Variants in DLG1 observed in about 807,000 individuals in gnomAD.
The protein encoded by DLG1 is discs large MAGUK scaffold protein 1.
DLG1 carries 42 observed loss-of-function variants against 123.4 expected under a neutral mutation model. The ratio of observed to expected loss-of-function variants is 0.34; its 90% CI spans 0.27 to 0.44. The LOEUF is 0.44. Ranked by LOEUF, DLG1 falls within the 20% of genes least tolerant of loss-of-function variation. DLG1 has a pLI of 1.00. For missense variants in DLG1, 942 were observed against 1,082.6 expected (o/e 0.87, Z 1.82); for synonymous variants, 317 against 356.2 (o/e 0.89, Z 1.24).
In DLG1 at chr3:197,109,302, G is replaced by A. The variant is rs535805137; in HGVS notation, c.1444-4297C>T. On this transcript the variant is annotated intron_variant, in intron 13 of 24. Transcript: ENST00000667157. ...CGAGGATTGCCTGAGTAAGTTTGAG[G>A]CTGCAGTGAGCTATGACTGTGCTAC... 2.6e-5 allele frequency among the ~76,000 whole-genome samples: 4 copies of A among 152,370 alleles called. No individual in the cohort carries two copies. The South Asian group carries it at 6.2e-4, about 24-fold the overall frequency.
chr3:197,112,971 A>G (rs1770953368), intron 13 of DLG1, among the ~76,000 whole-genome samples: 3 of 152,086 alleles, frequency 2.0e-5, no homozygotes, highest in Admixed American at 2.0e-4. Context: ...TACCTACTCT[A>G]GGCCTGTGAA....
chr3:197,164,269 T>C (rs981414543), intron 5 of DLG1, among the ~76,000 whole-genome samples: 3 of 150,784 alleles, frequency 2.0e-5, no homozygotes, highest in Non-Finnish European at 4.4e-5. Flanking sequence ...TGGTGGCCCA[T>C]GCGTGTAATC....
intron 24 of DLG1, 27 bp from the exon 25 acceptor site, chr3:197,044,756 A>C (rs1431773321): frequency 7.3e-7 from 1 of 1,370,694 alleles, no homozygotes; most frequent in African/African-American, 1.5e-5. Flanking sequence ...AAAATCAGAA[A>C]TCTCCATTAA....
At position 197,158,634 on chromosome 3, in the gene DLG1, C is replaced by CAAAAAAAAAA. The variant is rs71623339; in HGVS notation, c.484-8848_484-8839dup. ...GGGTAACAAGAGCAAAACTCCATTT[C>CAAAAAAAAAA]AAAAAAAAAAAAAAAAAAAAAAAGC... On this transcript the variant is annotated intron_variant, in intron 5 of 24. Coordinates refer to ENST00000667157, the MANE Select transcript of DLG1 (RefSeq NM_001366207.1). Among the ~76,000 whole-genome samples, 117 of 67,478 alleles carry CAAAAAAAAAA rather than the reference C, an allele frequency of 1.7e-3. 7 individuals carry two copies. The highest frequency in any genetic ancestry group is 2.6e-3 in the Non-Finnish European group (95 of 36,044). The allele number at this position is 67,478 out of a possible 152,430, so 44.3% of individuals were successfully genotyped here.
intron 19 of DLG1, 24 bp from the exon 20 acceptor site, chr3:197,066,778 T>C (rs1739890584): frequency 2.0e-6 from 3 of 1,498,992 alleles, no homozygotes; most frequent in East Asian, 2.3e-5. Context: ...AAGGCACAGA[T>C]GAAAAATGTG....
chr3:197,216,116 T>C (rs1471906882), intron 4 of DLG1, among the ~76,000 whole-genome samples: 1 of 152,206 alleles, frequency 6.6e-6, no homozygotes, highest in African/African-American at 2.4e-5. Context: ...TTTCCAATAT[T>C]GTTACTCTTT....
At chr3:197,219,551 G>A (rs1414483624) in intron 4 of DLG1, among the ~76,000 whole-genome samples, 1 of 152,120 alleles carries the variant, frequency 6.6e-6, no homozygotes, top group African/African-American at 2.4e-5. Flanking sequence ...GCTGAATTAT[G>A]TCCCCCGCCC....
chr3:197,058,997 C>T (rs1733884004), intron 23 of DLG1, among the ~76,000 whole-genome samples: 1 of 152,198 alleles, frequency 6.6e-6, no homozygotes, highest in Non-Finnish European at 1.5e-5. Context: ...GAGATCTCGG[C>T]TCACTGCAAG....
At chr3:197,202,816 T>A (rs1414624836) in intron 4 of DLG1, among the ~76,000 whole-genome samples, 2 of 152,240 alleles carry the variant, frequency 1.3e-5, no homozygotes, top group Non-Finnish European at 2.9e-5. Context: ...TTCACAACTT[T>A]AACCATTTTC....
At chr3:197,224,760 A>G (rs952854252) in intron 4 of DLG1, among the ~76,000 whole-genome samples, 7 of 152,350 alleles carry the variant, frequency 4.6e-5, no homozygotes, top group Admixed American at 4.6e-4. Flanking sequence ...TATATTCTTT[A>G]ACAACCTTTC....
chr3:197,154,260 C>A (rs913920466), intron 5 of DLG1, among the ~76,000 whole-genome samples: 3 of 152,012 alleles, frequency 2.0e-5, no homozygotes, highest in Non-Finnish European at 4.4e-5. Context: ...CGAGATGACA[C>A]CACTGTACTC....
chr3:197,096,290 T>C (rs979008122), intron 14 of DLG1, among the ~76,000 whole-genome samples: 6 of 152,238 alleles, frequency 3.9e-5, no homozygotes, highest in Non-Finnish European at 8.8e-5. Flanking sequence ...TTCTCAACAG[T>C]GAAAATTATG....
intron 1 of DLG1, chr3:197,297,476 C>T: frequency 1.5e-6 from 2 of 1,321,434 alleles, no homozygotes; most frequent in East Asian, 3.3e-5. Flanking sequence ...TCCTCGAAAG[C>T]GTCCCCTCCC....
chr3:197,192,029 C>T (rs1719875450), intron 5 of DLG1, among the ~76,000 whole-genome samples: 1 of 150,892 alleles, frequency 6.6e-6, no homozygotes, highest in Non-Finnish European at 1.5e-5. Flanking sequence ...AAAAAAATAG[C>T]CAAGCATGAT....
intron 8 of DLG1, among the ~76,000 whole-genome samples, chr3:197,139,835 G>A (rs1045746603): frequency 6.6e-6 from 1 of 152,136 alleles, no homozygotes; most frequent in East Asian, 1.9e-4. Context: ...TTCTGTGAGT[G>A]TATCTGAAAA....
At chr3:197,241,043 G>C (rs2150736096) in intron 4 of DLG1, among the ~76,000 whole-genome samples, 1 of 152,150 alleles carries the variant, frequency 6.6e-6, no homozygotes, top group East Asian at 1.9e-4. Flanking sequence ...AAATATCCTA[G>C]TACAGGAAGG....
chr3:197,170,352 T>G (rs1803519950), intron 5 of DLG1, among the ~76,000 whole-genome samples: 1 of 152,258 alleles, frequency 6.6e-6, no homozygotes, highest in Non-Finnish European at 1.5e-5. Context: ...TCCATAATGG[T>G]TGAACTAATT....
intron 10 of DLG1, among the ~76,000 whole-genome samples, chr3:197,136,058 T>C (rs899287018): frequency 6.6e-6 from 1 of 152,042 alleles, no homozygotes; most frequent in African/African-American, 2.4e-5. Flanking sequence ...GCAATCTACC[T>C]ACCTCAGCCT....
chr3:197,194,350 C>G (rs1173012500), intron 5 of DLG1, 75 bp downstream of exon 5: 8 of 1,005,670 alleles, frequency 8.0e-6, no homozygotes, highest in Non-Finnish European at 9.3e-6. Flanking sequence ...AAGAATACTT[C>G]TCTCCGAGCA....
Sources: gnomAD v4.1 joint callset for allele counts (sites outside exome capture counted in the v4.1 genomes callset) on GRCh38, gnomAD v4.1.1 for gene constraint, MANE v1.5 for transcripts, NCBI Gene and HGNC (gene_info 2026-07-23, HGNC 2026-07-21) for gene names.